EXOSC10: variants seen among roughly 807,000 people sequenced by gnomAD.
EXOSC10 encodes the protein exosome component 10.
EXOSC10 carries 94 observed loss-of-function variants against 126.6 expected under a neutral mutation model. That is an observed-to-expected ratio of 0.74 (90% CI 0.63 to 0.88). EXOSC10 has a LOEUF of 0.88. EXOSC10 is among the 40% of genes least tolerant of loss of function. EXOSC10 has a pLI of 0.00. For missense variants in EXOSC10, 1,041 were observed against 1,100.5 expected (o/e 0.95, Z 0.77); for synonymous variants, 395 against 400.8 (o/e 0.99, Z 0.17).
At chr1:11,066,833 T>A (rs1276738220) in intron 24 of EXOSC10, 85 bp from the exon 25 acceptor site, 1 of 1,514,562 alleles carries the variant, frequency 6.6e-7, no homozygotes, top group Admixed American at 1.7e-5. Flanking sequence ...CAAATCTTAA[T>A]CATGCAGAAC....
At chr1:11,079,676 G>A in intron 14 of EXOSC10, 35 bp downstream of exon 14, 1 of 1,560,958 alleles carries the variant, frequency 6.4e-7, no homozygotes, top group South Asian at 1.1e-5. Flanking sequence ...TTATAGGCGT[G>A]AGCCACTGTG....
At chr1:11,080,964 T>C in intron 11 of EXOSC10, 52 bp from the exon 12 acceptor site, 1 of 1,579,232 alleles carries the variant, frequency 6.3e-7, no homozygotes. Flanking sequence ...AATTGTGCCC[T>C]GGGCTCTGGA....
chr1:11,066,658 T>C lies in EXOSC10; in HGVS notation c.*60A>G. On this transcript the variant is annotated 3_prime_UTR_variant, in exon 25 of 25. Transcript: ENST00000376936. Reference sequence around the variant, plus strand: ...TTTTAATGGTTTAAAAATATGTATGTACAAAAGCAGCACCAGCATTTGGTG... The same window carrying C: ...TTTTAATGGTTTAAAAATATGTATGCACAAAAGCAGCACCAGCATTTGGTG... The C allele has an allele frequency of 1.9e-6, 3 of 1,578,538 alleles. No homozygotes were observed. Among genetic ancestry groups the C allele is most frequent in the African/African-American group, 1.3e-5 (1 of 74,354 alleles).
In EXOSC10 at chr1:11,069,543, C is replaced by T; in HGVS notation, c.2488+16G>A. 1.9e-6 allele frequency: 3 copies of T among 1,610,476 alleles called. No individual in the cohort carries two copies. Among genetic ancestry groups the T allele is most frequent in the South Asian group, 1.1e-5 (1 of 90,442 alleles). ...GCGCACAGATGTCCCTGTATGGGGC[C>T]CCATTACTTCCTCACCAGCAAAAGC... On this transcript the variant is annotated intron_variant, in intron 22 of 24. Coordinates refer to ENST00000376936, the MANE Select transcript of EXOSC10 (RefSeq NM_001001998.3).
Position 11,081,212 on chromosome 1 carries a change from T to C in EXOSC10, c.1307A>G (p.Tyr436Cys), listed in dbSNP as rs753110986. 2.5e-6 allele frequency: 4 copies of C among 1,614,176 alleles called. No homozygotes were observed. The highest frequency in any genetic ancestry group is 1.6e-4 in the Middle Eastern group (1 of 6,062). Reference sequence around the variant, plus strand: ...CAGGTAATGGGTGTCATCCCGGGCGTAGCTGAGCATCTCCTCGGGCAGAGG... The same window carrying C: ...CAGGTAATGGGTGTCATCCCGGGCGCAGCTGAGCATCTCCTCGGGCAGAGG... ...IRPLPEEMLS[Y>C]ARDDTHYLLY... is the part of the protein sequence containing the mutation. Residue 436 changes from tyrosine to cysteine, a missense_variant, in exon 11 of 25, where the codon TAC becomes TGC. This residue lies in a region of EXOSC10 where 645 missense variants were observed against 656.3 expected (regional missense o/e 0.98). Coordinates refer to ENST00000376936, the MANE Select transcript of EXOSC10 (RefSeq NM_001001998.3).
intron 22 of EXOSC10, 59 bp downstream of exon 22, chr1:11,069,500 G>C: frequency 6.4e-7 from 1 of 1,563,064 alleles, no homozygotes; most frequent in Non-Finnish European, 8.7e-7. Flanking sequence ...GTCTCTTTAT[G>C]GCTTCCTCCC....
At position 11,074,216 on chromosome 1, in the gene EXOSC10, A is replaced by G; in HGVS notation, c.2082+15T>C. On this transcript the variant is annotated intron_variant, in intron 18 of 24. Transcript: ENST00000376936. ...CTCTGCATATCCTGTCAGCCCTGAC[A>G]AAACTACTACTCACCATCCTAAATG... is the stretch of plus-strand genomic sequence containing the variant. 6.2e-7 allele frequency: 1 copy of G among 1,605,530 alleles called. No individual in the cohort carries two copies.
intron 9 of EXOSC10, 24 bp from the exon 10 acceptor site, chr1:11,082,902 C>T: frequency 6.3e-7 from 1 of 1,589,058 alleles, no homozygotes; most frequent in Non-Finnish European, 8.6e-7. Context: ...CAAAGTCATG[C>T]AGTACACTGG....
At position 11,087,929 on chromosome 1, in the gene EXOSC10, A is replaced by C. The variant is rs373586904; in HGVS notation, c.835-19T>G. On this transcript the variant is annotated intron_variant, in intron 7 of 24. Transcript: ENST00000376936. ...TGTATAACTGGATCAAGAGAATAGT[A>C]AGAAAAAGGGAGGAATATAGAAATC... The C allele has an allele frequency of 5.8e-5, 85 of 1,474,092 alleles. No individual in the cohort carries two copies. In the Middle Eastern group the frequency reaches 6.9e-4, roughly 12 times the overall value. The allele number at this position is 1,474,092 out of a possible 1,614,324, so 91.3% of individuals were successfully genotyped here. A position where few individuals can be genotyped will look rare whatever the true frequency, so the allele number is the denominator to read the frequency against.
rs538586794 is a variant in EXOSC10 at position 11,088,972 on chromosome 1, G to C, written c.759-774C>G. On this transcript the variant is annotated intron_variant, in intron 6 of 24. Transcript: ENST00000376936. ...ACGGTGGCACATGCTTGTAATCCCA[G>C]AACTCTGGAAAGTCGAGGCAGGAGG... Among the ~76,000 whole-genome samples the C allele has an allele frequency of 1.3e-4, 20 of 152,220 alleles. 1 individual carries two copies. In the South Asian group the frequency reaches 4.1e-3, roughly 32 times the overall value.
Position 11,088,152 on chromosome 1 carries a change from C to T in EXOSC10, c.805G>A (p.Asp269Asn). 1 of 1,613,672 alleles carries T rather than the reference C, an allele frequency of 6.2e-7. No homozygotes were observed. Among genetic ancestry groups the T allele is most frequent in the Non-Finnish European group, 8.5e-7 (1 of 1,179,920 alleles). Reference protein sequence around the residue: ...QYELNHFTPADAVLQKPQPQL... With the variant: ...QYELNHFTPANAVLQKPQPQL... ...GGTTGTGGCTTTTGAAGCACTGCATCTGCTGGGGTAAAGTGATTTAGTTCA... is the reference window on the plus strand; with the variant it reads ...GGTTGTGGCTTTTGAAGCACTGCATTTGCTGGGGTAAAGTGATTTAGTTCA... Residue 269 changes from aspartate (D) to asparagine (N), a missense_variant, in exon 7 of 25, where the codon GAT (aspartate) becomes AAT (asparagine). By Grantham distance (23) the Asp-to-Asn change is conservative (BLOSUM62 1). This residue lies in a region of EXOSC10 where 645 missense variants were observed against 656.3 expected (regional missense o/e 0.98). Coordinates refer to ENST00000376936, the MANE Select transcript of EXOSC10 (RefSeq NM_001001998.3).
rs999059068 is a variant in EXOSC10 at position 11,069,474 on chromosome 1, T to G, written c.2488+85A>C. On this transcript the variant is annotated intron_variant, in intron 22 of 24. Transcript: ENST00000376936. ...CACCATGCCTTGTGCAGGACTCACT[T>G]GGCCCCTATATTGTGGTCTCTTTAT... 9 of 1,430,910 alleles carry G rather than the reference T, an allele frequency of 6.3e-6. No individual in the cohort carries two copies. The African/African-American group carries it at 8.6e-5, about 14-fold the overall frequency. The allele number at this position is 1,430,910 out of a possible 1,614,324, so 88.6% of individuals were successfully genotyped here.
At chr1:11,095,088 T>G (rs1478172135) in intron 3 of EXOSC10, among the ~76,000 whole-genome samples, 1 of 151,952 alleles carries the variant, frequency 6.6e-6, no homozygotes, top group Non-Finnish European at 1.5e-5. Flanking sequence ...GGTGGGTGCC[T>G]GTAATCCCAG....
chr1:11,070,943 T>C lies in EXOSC10; in HGVS notation c.2273A>G (p.Lys758Arg), dbSNP rs374822877. ...GGAGATGGCCTGTTCTGCTGCAGCT[T>C]TGCACGCCTCCTTTGCCTGTTCCCG... ...AAREQAKEAC[K>R]AAAEQAISVR... is the part of the protein sequence containing the mutation. The change falls in exon 21 of 25, where the codon AAA (lysine) becomes AGA (arginine). Residue 758 changes from lysine (K) to arginine (R), a missense_variant. By Grantham distance (26) the Lys-to-Arg change is conservative (BLOSUM62 2). Around this residue, in one of 3 missense-constraint regions of EXOSC10, gnomAD observed 388 missense variants for 415.2 expected, o/e 0.93. Transcript: ENST00000376936. 42 of 1,614,022 alleles carry C rather than the reference T, an allele frequency of 2.6e-5. No individual in the cohort carries two copies. Among genetic ancestry groups the C allele is most frequent in the East Asian group, 2.2e-4 (10 of 44,894 alleles).
At chr1:11,092,297 A>G (rs1570852072) in intron 3 of EXOSC10, among the ~76,000 whole-genome samples, 1 of 151,288 alleles carries the variant, frequency 6.6e-6, no homozygotes, top group African/African-American at 2.4e-5. Context: ...GCTAATTGCA[A>G]CCTGCCTCCC....
In EXOSC10 at chr1:11,081,129, C is replaced by G. The variant is rs754230703; in HGVS notation, c.1390G>C (p.Val464Leu). ...CGTTGCCACACCACCTGCAGCTGCA[C>G]CGGCTGCCCGTTGCCGCGCTCCCAC... Reference protein sequence around the residue: ...EMWERGNGQPVQLQVVWQRSR... With the variant: ...EMWERGNGQPLQLQVVWQRSR... The change falls in exon 11 of 25, where the codon GTG becomes CTG. Residue 464 changes from valine to leucine, a missense_variant. Physicochemically the swap from Val to Leu is conservative, Grantham distance 32 (BLOSUM62 1). This residue lies in a region of EXOSC10 where 645 missense variants were observed against 656.3 expected (regional missense o/e 0.98). Transcript: ENST00000376936. 1.2e-6 allele frequency: 2 copies of G among 1,614,062 alleles called. No individual in the cohort carries two copies. Among genetic ancestry groups the G allele is most frequent in the Non-Finnish European group, 8.5e-7 (1 of 1,180,034 alleles).
intron 9 of EXOSC10, 72 bp downstream of exon 9, chr1:11,087,376 G>GA: frequency 6.4e-7 from 1 of 1,562,810 alleles, no homozygotes; most frequent in African/African-American, 1.4e-5. Context: ...TTGAAATAAT[G>GA]AAATAGTACA....
chr1:11,086,998 A>T (rs1640530963), intron 9 of EXOSC10, among the ~76,000 whole-genome samples: 1 of 152,182 alleles, frequency 6.6e-6, no homozygotes, highest in Non-Finnish European at 1.5e-5. Flanking sequence ...ATAGAGACAC[A>T]AAAAACCCTT....
chr1:11,074,485 T>C (rs1570799175), intron 17 of EXOSC10, among the ~76,000 whole-genome samples, 159 bp from the exon 18 acceptor site: 1 of 151,912 alleles, frequency 6.6e-6, no homozygotes, highest in East Asian at 1.9e-4. Flanking sequence ...TGATCTCTGC[T>C]CACTGCAACC....
Sources: gnomAD v4.1 joint callset for allele counts (sites outside exome capture counted in the v4.1 genomes callset) on GRCh38, gnomAD v4.1.1 for gene constraint, gnomAD v4.1.1 regional missense constraint, MANE v1.5 for transcripts, NCBI Gene and HGNC (gene_info 2026-07-23, HGNC 2026-07-21) for gene names.